Variants in TTLL11 observed in about 807,000 individuals in gnomAD.
The protein encoded by TTLL11 is tubulin tyrosine ligase like 11.
A neutral mutation model predicts 51.7 loss-of-function variants in TTLL11; 42 were observed. That is an observed-to-expected ratio of 0.81 (90% CI 0.64 to 1.05). The LOEUF is 1.05. Among genes scored for constraint, TTLL11 ranks in the 50% least tolerant of loss-of-function variants. The pLI is 0.00. For missense variants in TTLL11, 799 were observed against 940.4 expected, an observed-to-expected ratio of 0.85 and a Z score of 1.97; for synonymous variants, 381 against 383.5, an observed-to-expected ratio of 0.99 and a Z score of 0.08.
At chr9:122,058,312 C>A (rs965135063) in intron 1 of TTLL11, among the ~76,000 whole-genome samples, 2 of 152,210 alleles carry the variant, frequency 1.3e-5, no homozygotes, top group Non-Finnish European at 2.9e-5. Flanking sequence ...GGAAAGCCTG[C>A]CCACGGGGCT....
At chr9:121,825,404 C>G (rs1322820324) in intron 8 of TTLL11, among the ~76,000 whole-genome samples, 1 of 152,230 alleles carries the variant, frequency 6.6e-6, no homozygotes, top group Non-Finnish European at 1.5e-5. Flanking sequence ...TGGTCCCTGA[C>G]AAGATAAGGC....
chr9:121,849,799 T>G lies in TTLL11; in HGVS notation c.1840+10538A>C, dbSNP rs554011421. 3.9e-5 allele frequency among the ~76,000 whole-genome samples: 6 copies of G among 152,310 alleles called. No individual in the cohort carries two copies. The East Asian group carries it at 7.7e-4, about 20-fold the overall frequency. On this transcript the variant is annotated intron_variant, in intron 8 of 8. Transcript: ENST00000321582. Reference sequence around the variant, plus strand: ...GAACTCTCATTGATTACTGTAGGAATGCAAAATGGTACTACTACTTTGGAA... The same window carrying G: ...GAACTCTCATTGATTACTGTAGGAAGGCAAAATGGTACTACTACTTTGGAA...
intron 1 of TTLL11, among the ~76,000 whole-genome samples, chr9:122,071,831 A>AC (rs1845737556): frequency 6.6e-6 from 1 of 152,182 alleles, no homozygotes; most frequent in Non-Finnish European, 1.5e-5. Flanking sequence ...CTTGAATCCT[A>AC]CCTTGCTGTC....
chr9:121,953,810 A>G (rs970883471), intron 6 of TTLL11, among the ~76,000 whole-genome samples: 1 of 152,150 alleles, frequency 6.6e-6, no homozygotes, highest in Non-Finnish European at 1.5e-5. Flanking sequence ...CTCACAATCG[A>G]AGCATGCTTT....
At chr9:121,984,633 A>T (rs1168512156) in intron 4 of TTLL11, among the ~76,000 whole-genome samples, 5 of 152,162 alleles carry the variant, frequency 3.3e-5, no homozygotes, top group Non-Finnish European at 5.9e-5. Flanking sequence ...GACTGGCTGA[A>T]GGGTAAGGAG....
At position 121,899,384 on chromosome 9, in the gene TTLL11, T is replaced by C. The variant is rs866575096; in HGVS notation, c.1482-28636A>G. On this transcript the variant is annotated intron_variant, in intron 6 of 8. Coordinates refer to ENST00000321582, the MANE Select transcript of TTLL11 (RefSeq NM_001139442.2). ...GTGTGTGTATATATATATACATATA[T>C]ATATATATATATATATATACACACA... Among the ~76,000 whole-genome samples, 870 of 117,320 alleles carry C rather than the reference T, an allele frequency of 7.4e-3. 5 individuals are homozygous for C. The highest frequency in any genetic ancestry group is 0.014 in the African/African-American group (450 of 32,754). The allele number at this position is 117,320 out of a possible 152,430, so 77.0% of individuals were successfully genotyped here.
intron 1 of TTLL11, among the ~76,000 whole-genome samples, chr9:122,061,297 A>G (rs1845426906): frequency 6.6e-6 from 1 of 152,226 alleles, no homozygotes; most frequent in South Asian, 2.1e-4. Context: ...ATATTCACAG[A>G]TACTGGTTAG....
chr9:121,988,998 G>A, intron 4 of TTLL11, 197 bp downstream of exon 4: 12 of 1,348,784 alleles, frequency 8.9e-6, no homozygotes, highest in South Asian at 1.6e-5. Context: ...AGGGGAAGTA[G>A]CTTGCCCCAA....
chr9:122,046,960 A>G (rs1845023431), intron 1 of TTLL11, among the ~76,000 whole-genome samples: 1 of 152,178 alleles, frequency 6.6e-6, no homozygotes, highest in Non-Finnish European at 1.5e-5. Flanking sequence ...CAACAACACA[A>G]TGGGAAATGT....
Position 121,989,206 on chromosome 9 carries a change from T to C in TTLL11, c.1258A>G (p.Thr420Ala). 1.2e-6 allele frequency: 2 copies of C among 1,613,742 alleles called. No individual in the cohort carries two copies. Among genetic ancestry groups the C allele is most frequent in the East Asian group, 2.2e-5 (1 of 44,856 alleles). ...CTGGCAATGGTTACCTGGAAGCACG[T>C]GGGGCCCGGCCTCCCCGTGGGGATG... ...SDIPTGRPGP[T>A]CFQILGFDIL... The change falls in exon 4 of 9, where the codon ACG becomes GCG. Residue 420 changes from threonine (T) to alanine (A), a missense_variant. Transcript: ENST00000321582. This position sits in a 1 kb window ranked among gnomAD's most constrained non-coding sequence, Gnocchi z 4.2.
chr9:122,046,792 A>C lies in TTLL11; in HGVS notation c.463-7424T>G, dbSNP rs1297053104. On this transcript the variant is annotated intron_variant, in intron 1 of 8. Coordinates refer to ENST00000321582, the MANE Select transcript of TTLL11 (RefSeq NM_001139442.2). ...CCTCTATCCTCAGGAGATAGAGATG[A>C]GGAAACGTGGCAAGATAGCGAGGAG... is the stretch of plus-strand genomic sequence containing the variant. Among the ~76,000 whole-genome samples, 4 of 152,188 alleles carry C rather than the reference A, an allele frequency of 2.6e-5. No individual in the cohort carries two copies. The East Asian group carries it at 7.7e-4, about 29-fold the overall frequency.
intron 4 of TTLL11, among the ~76,000 whole-genome samples, chr9:121,983,805 A>G (rs1352838922): frequency 6.6e-6 from 1 of 151,948 alleles, no homozygotes; most frequent in Non-Finnish European, 1.5e-5. Context: ...TCCCCATTAC[A>G]CTGTGTGCCC....
rs766757412 is a variant in TTLL11 at position 121,989,815 on chromosome 9, C to T, written c.694-45G>A. The T allele has an allele frequency of 6.5e-7, 1 of 1,547,178 alleles. No individual in the cohort carries two copies. The highest frequency in any genetic ancestry group is 8.7e-7 in the Non-Finnish European group (1 of 1,149,328). ...TGGCCGACATTATATTGTTTTCCCT[C>T]TGGATCCCTAACACAGAGCAAGGCC... On this transcript the variant is annotated intron_variant, in intron 3 of 8. Coordinates refer to ENST00000321582, the MANE Select transcript of TTLL11 (RefSeq NM_001139442.2). The surrounding 1 kb of genome is among the most constrained non-coding windows in gnomAD (Gnocchi z 4.2).
chr9:121,839,205 G>A (rs1018859817), intron 8 of TTLL11, among the ~76,000 whole-genome samples: 9 of 152,304 alleles, frequency 5.9e-5, no homozygotes, highest in Middle Eastern at 3.4e-3. Flanking sequence ...CAATTTCTGC[G>A]TTTCCATGTT....
intron 6 of TTLL11, among the ~76,000 whole-genome samples, chr9:121,909,902 G>A (rs529981683): frequency 1.3e-5 from 2 of 152,324 alleles, no homozygotes; most frequent in Non-Finnish European, 2.9e-5. Context: ...AGGAATGTCT[G>A]CAAAGGAAAT....
At chr9:121,894,848 T>G (rs1839390685) in intron 6 of TTLL11, among the ~76,000 whole-genome samples, 2 of 152,110 alleles carry the variant, frequency 1.3e-5, no homozygotes, top group African/African-American at 4.8e-5. Context: ...TGTATACCTA[T>G]GTAACAAACC....
At chr9:121,990,131 T>C (rs778744037) in intron 3 of TTLL11, among the ~76,000 whole-genome samples, 7 of 152,230 alleles carry the variant, frequency 4.6e-5, no homozygotes, top group Non-Finnish European at 8.8e-5. Context: ...TGAGCGCCTG[T>C]GAAATGCCAG....
At chr9:121,996,930 C>T (rs558047435) in intron 3 of TTLL11, among the ~76,000 whole-genome samples, 6 of 152,308 alleles carry the variant, frequency 3.9e-5, no homozygotes, top group South Asian at 2.1e-4. Flanking sequence ...AGCTAGAAGG[C>T]GGAAGTAAAG....
At chr9:121,901,609 C>G (rs1366567515) in intron 6 of TTLL11, among the ~76,000 whole-genome samples, 3 of 152,010 alleles carry the variant, frequency 2.0e-5, no homozygotes, top group Non-Finnish European at 4.4e-5. Flanking sequence ...CCCCCGAGAA[C>G]CAAGGCCAAC....
Sources: gnomAD v4.1 joint callset for allele counts (sites outside exome capture counted in the v4.1 genomes callset) on GRCh38, gnomAD v4.1.1 for gene constraint, Gnocchi (gnomAD v3.1) non-coding constraint, MANE v1.5 for transcripts, NCBI Gene and HGNC (gene_info 2026-07-23, HGNC 2026-07-21) for gene names.